The following UBXN8 variants were observed in gnomAD, a reference collection of about 807,000 sequenced individuals.
The protein encoded by UBXN8 is UBX domain-containing protein 8.
In UBXN8, 27 loss-of-function variants were observed where a neutral mutation model predicts 32.1. The ratio of observed to expected loss-of-function variants is 0.84; its 90% CI spans 0.62 to 1.16. The LOEUF is 1.16. Among genes scored for constraint, UBXN8 ranks in the 50% most tolerant of loss-of-function variants. The pLI is 0.00. For missense variants in UBXN8, 306 were observed against 311.4 expected (o/e 0.98, Z 0.13); for synonymous variants, 109 against 111.8 (o/e 0.98, Z 0.16).
upstream of UBXN8, among the ~76,000 whole-genome samples, chr8:30,740,527 A>AC (rs1208190064): frequency 8.4e-6 from 1 of 118,416 alleles, no homozygotes. Flanking sequence ...ATATAGTAAG[A>AC]CCCCATCTCC....
intron 1 of UBXN8, among the ~76,000 whole-genome samples, chr8:30,737,108 C>G (rs1805082577): frequency 1.3e-5 from 2 of 152,128 alleles, no homozygotes; most frequent in Non-Finnish European, 2.9e-5. Context: ...CATAATTGCA[C>G]CAGTCTAGCA....
At chr8:30,757,737 T>C (rs1036348401) in intron 5 of UBXN8, among the ~76,000 whole-genome samples, 3 of 149,340 alleles carry the variant, frequency 2.0e-5, no homozygotes, top group African/African-American at 7.4e-5. Flanking sequence ...CAGGCGCCTG[T>C]AATCCCAGCT....
intron 2 of UBXN8, among the ~76,000 whole-genome samples, chr8:30,751,931 G>A (rs1586097665): frequency 7.4e-6 from 1 of 135,708 alleles, no homozygotes; most frequent in Middle Eastern, 4.6e-3. Context: ...GTCTCACTCT[G>A]TCACCAGCTG....
chr8:30,740,095 T>C (rs1805165230), upstream of UBXN8, among the ~76,000 whole-genome samples: 4 of 151,590 alleles, frequency 2.6e-5, no homozygotes, highest in South Asian at 8.3e-4. Flanking sequence ...TTTGTAGAGA[T>C]GGGGTCTCAC....
intron 7 of UBXN8, among the ~76,000 whole-genome samples, chr8:30,763,688 T>TC (rs1412796045): frequency 1.3e-4 from 20 of 152,240 alleles, no homozygotes; most frequent in Non-Finnish European, 1.9e-4. Flanking sequence ...CTTTTTTTTT[T>TC]CTTTTAAAAA....
upstream of UBXN8, among the ~76,000 whole-genome samples, chr8:30,731,707 G>A (rs12549439): frequency 2.0e-5 from 3 of 151,952 alleles, no homozygotes; most frequent in African/African-American, 2.4e-5. Flanking sequence ...GGCAGTCAAC[G>A]AAGCCCCCGT....
At chr8:30,751,767 T>C (rs922907727) in intron 2 of UBXN8, among the ~76,000 whole-genome samples, 4 of 152,162 alleles carry the variant, frequency 2.6e-5, no homozygotes, top group Non-Finnish European at 5.9e-5. Flanking sequence ...GTTTTAAAGC[T>C]ATATCATTTC....
At chr8:30,764,628 C>T (rs926048662) in intron 7 of UBXN8, among the ~76,000 whole-genome samples, 1 of 152,144 alleles carries the variant, frequency 6.6e-6, no homozygotes, top group Non-Finnish European at 1.5e-5. Context: ...AATGTTTGGC[C>T]TCACATAGAA....
chr8:30,734,982 A>T (rs775729512), intron 1 of UBXN8, among the ~76,000 whole-genome samples: 2 of 152,182 alleles, frequency 1.3e-5, no homozygotes, highest in African/African-American at 4.8e-5. Context: ...GATTTCTATG[A>T]AGACATTATG....
rs1416614095 is a variant in UBXN8 at position 30,747,363 on chromosome 8, T to C, written c.88+3086T>C. ...TCTTACTCTGTTGCCCACGCAGGAG[T>C]GCAGTGGCACAATCTCTGCTCACTG... is the stretch of plus-strand genomic sequence containing the variant. On this transcript the variant is annotated intron_variant, in intron 1 of 7. Transcript: ENST00000265616. 1.8e-5 allele frequency among the ~76,000 whole-genome samples: 2 copies of C among 109,314 alleles called. 1 individual carries two copies. The highest frequency in any genetic ancestry group is 3.5e-5 in the Non-Finnish European group (2 of 57,624). The allele number at this position is 109,314 out of a possible 152,430, so 71.7% of individuals were successfully genotyped here.
intron 7 of UBXN8, among the ~76,000 whole-genome samples, chr8:30,765,811 C>T (rs1041407975): frequency 1.3e-5 from 2 of 151,944 alleles, no homozygotes; most frequent in Non-Finnish European, 2.9e-5. Flanking sequence ...AGTTCAAGAC[C>T]AGCCTGGCCA....
intron 3 of UBXN8, 43 bp downstream of exon 3, chr8:30,753,148 A>G: frequency 1.4e-6 from 2 of 1,446,330 alleles, no homozygotes; most frequent in Non-Finnish European, 1.8e-6. Context: ...GAGAAATACA[A>G]AAATCTCTGA....
At chr8:30,753,606 C>A (rs73585335) in intron 3 of UBXN8, among the ~76,000 whole-genome samples, 3,993 of 152,136 alleles carry the variant, frequency 0.026, 155 homozygotes, top group African/African-American at 0.091. Context: ...CAAGGCTGTA[C>A]AACTACCACC....
intron 2 of UBXN8, among the ~76,000 whole-genome samples, chr8:30,751,812 TTG>T (rs1042370560): frequency 8.5e-5 from 13 of 152,158 alleles, no homozygotes; most frequent in African/African-American, 2.7e-4. Flanking sequence ...TAATTTTAAA[TTG>T]TGTGTTTGTG....
rs149333500 is a variant in UBXN8, at chr8:30,759,968, TAAATAAAATAAAATAAAATA to T, written c.529-894_529-875del. ...TGAGACTCCGTCTCAGAAAAATAAATAAATAAAATAAAATAAAATAAAATAAAATAAAATAAAATAAAATA... is the reference window on the plus strand; with the variant it reads ...TGAGACTCCGTCTCAGAAAAATAAATAAATAAAATAAAATAAAATAAAATA... On this transcript the variant is annotated intron_variant, in intron 5 of 7. Transcript: ENST00000265616. Among the ~76,000 whole-genome samples, 535 of 141,668 alleles carry T rather than the reference TAAATAAAATAAAATAAAATA, an allele frequency of 3.8e-3. 2 individuals carry two copies. The highest frequency in any genetic ancestry group is 0.013 in the African/African-American group (474 of 37,074). The allele number at this position is 141,668 out of a possible 152,430, so 92.9% of individuals were successfully genotyped here.
At chr8:30,741,454 C>CTTTTTTTTT (rs565066061), upstream of UBXN8, among the ~76,000 whole-genome samples, 1 of 116,742 alleles carries the variant, frequency 8.6e-6, no homozygotes, top group South Asian at 2.8e-4. Context: ...AAGCAATGTT[C>CTTTTTTTTT]TTTTTTTTTT....
upstream of UBXN8, among the ~76,000 whole-genome samples, chr8:30,743,667 A>T (rs1439006491): frequency 2.0e-5 from 3 of 152,208 alleles, no homozygotes; most frequent in East Asian, 5.8e-4. Flanking sequence ...GTTAGGGGGC[A>T]GGTATTTGGA....
At chr8:30,729,666 A>G (rs1563552080), upstream of UBXN8, among the ~76,000 whole-genome samples, 1 of 152,210 alleles carries the variant, frequency 6.6e-6, no homozygotes, top group Non-Finnish European at 1.5e-5. Context: ...TCTAGGAACT[A>G]TGTTGAAAAA....
upstream of UBXN8, among the ~76,000 whole-genome samples, chr8:30,730,952 G>T (rs138723325): frequency 4.7e-3 from 723 of 152,288 alleles, 6 homozygotes; most frequent in African/African-American, 0.016. Context: ...GAGAATGAAC[G>T]TCAGGCCCGG....
Sources: gnomAD v4.1 joint callset for allele counts (sites outside exome capture counted in the v4.1 genomes callset) on GRCh38, gnomAD v4.1.1 for gene constraint, MANE v1.5 for transcripts, NCBI Gene and HGNC (gene_info 2026-07-23, HGNC 2026-07-21) for gene names.